The following ZNF892 variants were observed in gnomAD, a reference collection of about 807,000 sequenced individuals.
The protein encoded by ZNF892 is zinc finger protein 570-like.
the ZNF892 span, among the ~76,000 whole-genome samples, chr2:95,246,035 A>G: frequency 6.6e-6 from 1 of 152,220 alleles, no homozygotes; most frequent in Non-Finnish European, 1.5e-5. Context: ...CATTGTCCTG[A>G]TACCAAAACC....
chr2:95,246,298 C>T, the ZNF892 span, among the ~76,000 whole-genome samples: 8 of 151,960 alleles, frequency 5.3e-5, no homozygotes, highest in Non-Finnish European at 1.2e-4. Flanking sequence ...AAAAGGCCTT[C>T]GATAAAATTC....
At chr2:95,254,808 G>A in the ZNF892 span, among the ~76,000 whole-genome samples, 1 of 152,152 alleles carries the variant, frequency 6.6e-6, no homozygotes, top group Non-Finnish European at 1.5e-5. Flanking sequence ...GTTTAGACTT[G>A]GGAGGGTGTA....
At chr2:95,221,508 G>T in the ZNF892 span, among the ~76,000 whole-genome samples, 1 of 152,104 alleles carries the variant, frequency 6.6e-6, no homozygotes, top group Non-Finnish European at 1.5e-5. Context: ...GCATTCATCT[G>T]TTAAACTGGG....
the ZNF892 span, among the ~76,000 whole-genome samples, chr2:95,248,857 CA>C: frequency 2.4e-4 from 37 of 152,148 alleles, no homozygotes; most frequent in Middle Eastern, 6.8e-3. Context: ...TATTTTAGGA[CA>C]AAATTACTCT....
At chr2:95,262,568 G>A in the ZNF892 span, among the ~76,000 whole-genome samples, 1 of 152,210 alleles carries the variant, frequency 6.6e-6, no homozygotes, top group African/African-American at 2.4e-5. Flanking sequence ...CTCTGAGCCT[G>A]GGATGTGGAA....
At chr2:95,263,327 C>T in the ZNF892 span, among the ~76,000 whole-genome samples, 10 of 152,330 alleles carry the variant, frequency 6.6e-5, no homozygotes, top group South Asian at 2.1e-3. Flanking sequence ...CATCAACCCA[C>T]ACCTTGATTT....
chr2:95,237,982 A>C, the ZNF892 span, among the ~76,000 whole-genome samples: 1 of 152,252 alleles, frequency 6.6e-6, no homozygotes, highest in Non-Finnish European at 1.5e-5. Context: ...GTTTAAGGAA[A>C]GAAGCCAGCT....
the ZNF892 span, among the ~76,000 whole-genome samples, chr2:95,260,586 C>A: frequency 0.034 from 5,182 of 152,288 alleles, 142 homozygotes; most frequent in Middle Eastern, 0.092. Context: ...CCACAGGTCC[C>A]CCTAGGACAT....
the ZNF892 span, among the ~76,000 whole-genome samples, chr2:95,226,754 G>A: frequency 2.6e-5 from 4 of 152,136 alleles, no homozygotes; most frequent in South Asian, 2.1e-4. Flanking sequence ...ATCACCAAGT[G>A]TGGGGTTGCT....
chr2:95,260,083 C>T, the ZNF892 span, among the ~76,000 whole-genome samples: 1 of 152,216 alleles, frequency 6.6e-6, no homozygotes, highest in Non-Finnish European at 1.5e-5. Flanking sequence ...CCGGCTGCTG[C>T]GTGGCTCCCA....
At chr2:95,234,458 G>C in the ZNF892 span, among the ~76,000 whole-genome samples, 1 of 152,332 alleles carries the variant, frequency 6.6e-6, no homozygotes, top group South Asian at 2.1e-4. Context: ...GCCGCACAGA[G>C]AGGCCAAGGA....
At chr2:95,245,584 G>T in the ZNF892 span, among the ~76,000 whole-genome samples, 1 of 126,078 alleles carries the variant, frequency 7.9e-6, no homozygotes, top group Non-Finnish European at 1.6e-5. Flanking sequence ...CTGGTTTTTT[G>T]AAAAAAAAAA....
At chr2:95,243,238 A>G in the ZNF892 span, among the ~76,000 whole-genome samples, 2 of 152,142 alleles carry the variant, frequency 1.3e-5, no homozygotes, top group East Asian at 1.9e-4. Flanking sequence ...GGCCTCCCAA[A>G]GTGCCGAGAT....
chr2:95,210,183 ATGTATATG>A, the ZNF892 span, among the ~76,000 whole-genome samples: 13 of 148,646 alleles, frequency 8.7e-5, no homozygotes, highest in Non-Finnish European at 1.5e-5. Flanking sequence ...ATGTGTATAT[ATGTATATG>A]TGTATATATG....
the ZNF892 span, among the ~76,000 whole-genome samples, chr2:95,263,233 G>A: frequency 2.0e-5 from 3 of 152,190 alleles, no homozygotes; most frequent in Non-Finnish European, 2.9e-5. Flanking sequence ...AAGGAAACAG[G>A]GGCCTCAGTC....
At chr2:95,214,653 G>C in the ZNF892 span, 1 of 401,472 alleles carries the variant, frequency 2.5e-6, no homozygotes, top group Non-Finnish European at 4.4e-6. Flanking sequence ...ACAAAATTCA[G>C]ATATAATTAG....
At chr2:95,237,918 T>C in the ZNF892 span, among the ~76,000 whole-genome samples, 1 of 151,804 alleles carries the variant, frequency 6.6e-6, no homozygotes, top group Non-Finnish European at 1.5e-5. Flanking sequence ...AGGCTTAGAG[T>C]GGTAAGGAAG....
chr2:95,242,817 C>T, the ZNF892 span, among the ~76,000 whole-genome samples: 29 of 151,890 alleles, frequency 1.9e-4, no homozygotes, highest in African/African-American at 6.5e-4. Flanking sequence ...CCTGGAGTCC[C>T]TCTCCCTCTC....
At chr2:95,250,832 GTTAT>G in the ZNF892 span, among the ~76,000 whole-genome samples, 5 of 144,774 alleles carry the variant, frequency 3.5e-5, no homozygotes, top group African/African-American at 5.0e-5. Flanking sequence ...AATATTCACA[GTTAT>G]TTATTATTTA....
Sources: gnomAD v4.1 joint callset for allele counts (sites outside exome capture counted in the v4.1 genomes callset) on GRCh38, gnomAD v4.1.1 for gene constraint, MANE v1.5 for transcripts, NCBI Gene and HGNC (gene_info 2026-07-23, HGNC 2026-07-21) for gene names.